Variants in BNIP2 observed in about 807,000 individuals in gnomAD.
BNIP2 encodes BCL2/adenovirus E1B 19 kDa protein-interacting protein 2.
Under a neutral mutation model 43.4 loss-of-function variants are expected in BNIP2, and 36 were observed. That is an observed-to-expected ratio of 0.83 (90% CI 0.64 to 1.10). The LOEUF (loss-of-function observed/expected upper bound fraction) is 1.10. BNIP2 is among the 50% of genes least tolerant of loss of function. BNIP2 has a pLI of 0.00. For missense variants in BNIP2, 417 were observed against 374.1 expected (o/e 1.11, Z -0.95); for synonymous variants, 146 against 121.0 (o/e 1.21, Z -1.35).
chr15:59,668,536 C>A (rs1892698485), intron 9 of BNIP2, among the ~76,000 whole-genome samples: 1 of 152,170 alleles, frequency 6.6e-6, no homozygotes, highest in African/African-American at 2.4e-5. Flanking sequence ...TATTGATGAT[C>A]AGTTTACTCA....
At position 59,689,300 on chromosome 15, in the gene BNIP2, A is replaced by G. The variant is rs1894233309; in HGVS notation, c.-223T>C. ...GCCGCAGCGGTACGGCGTCGGCGGC[A>G]GCAGCTGACCCGGACACAGTGAGAA... On this transcript the variant is annotated 5_prime_UTR_variant, in exon 1 of 10. Transcript: ENST00000607373. 4 of 1,546,562 alleles carry G rather than the reference A, an allele frequency of 2.6e-6. No individual in the cohort carries two copies. Among genetic ancestry groups the G allele is most frequent in the East Asian group, 2.5e-5 (1 of 40,814 alleles).
At chr15:59,686,846 A>G (rs1023151208) in intron 1 of BNIP2, among the ~76,000 whole-genome samples, 1 of 152,106 alleles carries the variant, frequency 6.6e-6, no homozygotes, top group Non-Finnish European at 1.5e-5. Flanking sequence ...GTGAAACCCC[A>G]TCTCTACCAA....
Position 59,661,667 on chromosome 15 carries a change from GTTAAA to G in BNIP2, c.*2397_*2401del, listed in dbSNP as rs756493835. The stretch of plus-strand genomic sequence containing the variant: ...GTGACAGAAGCATCAAATTAAGCCA[GTTAAA>G]TTAGATCCATGATCCCAACAGAAAG... On this transcript the variant is annotated 3_prime_UTR_variant, in exon 10 of 10. Coordinates refer to ENST00000607373, the MANE Select transcript of BNIP2 (RefSeq NM_004330.4). The G allele has an allele frequency of 3.3e-5, 5 of 152,156 alleles. No individual in the cohort carries two copies. Among genetic ancestry groups the G allele is most frequent in the Non-Finnish European group, 5.9e-5 (4 of 68,032 alleles). The allele number at this position is 152,156 out of a possible 1,614,324, so 9.4% of individuals were successfully genotyped here.
intron 8 of BNIP2, 37 bp downstream of exon 8, chr15:59,669,239 A>T (rs753883024): frequency 3.7e-5 from 52 of 1,404,430 alleles, no homozygotes; most frequent in African/African-American, 7.4e-5. Flanking sequence ...AATAAATAAA[A>T]AAAATAAAAT....
At chr15:59,671,949 G>A (rs751198730) in intron 6 of BNIP2, among the ~76,000 whole-genome samples, 4 of 152,134 alleles carry the variant, frequency 2.6e-5, no homozygotes, top group African/African-American at 4.8e-5. Context: ...GGTGACATGT[G>A]CCTGCAGTCC....
Position 59,669,203 on chromosome 15 carries a change from T to G in BNIP2, c.794+73A>C, listed in dbSNP as rs975681582. ...TAGCTCTGTATCCCATAAGTATGTA[T>G]AGTTATTATGTGTTAACTAAAAATA... is the stretch of plus-strand genomic sequence containing the variant. On this transcript the variant is annotated intron_variant, in intron 8 of 9. Coordinates refer to ENST00000607373, the MANE Select transcript of BNIP2 (RefSeq NM_004330.4). The G allele has an allele frequency of 3.2e-5, 37 of 1,159,468 alleles. 1 individual carries two copies. The highest frequency in any genetic ancestry group is 1.5e-5 in the Non-Finnish European group (12 of 826,990). 71.8% of individuals were successfully genotyped at this position (1,159,468 alleles called of 1,614,324 possible). A position where few individuals can be genotyped will look rare whatever the true frequency, so the allele number is the denominator to read the frequency against.
At chr15:59,665,640 CTTAT>C (rs1301820203) in intron 9 of BNIP2, among the ~76,000 whole-genome samples, 1 of 151,970 alleles carries the variant, frequency 6.6e-6, no homozygotes, top group East Asian at 1.9e-4. Context: ...CATCAAAAAG[CTTAT>C]TTATTTAGTG....
Position 59,689,128 on chromosome 15 carries a change from C to A in BNIP2, c.-58+7G>T. ...CACCGTGCCGAGTTCTCCCAGGCCG[C>A]ACTCACCCCGGAGGAAGCCTTGGCC... On this transcript the variant is annotated splice_region_variant and intron_variant, in intron 1 of 9. Transcript: ENST00000607373. 1 of 1,535,642 alleles carries A rather than the reference C, an allele frequency of 6.5e-7. No homozygotes were observed. Among genetic ancestry groups the A allele is most frequent in the African/African-American group, 1.4e-5 (1 of 73,054 alleles).
chr15:59,687,195 T>C (rs1555398054), intron 1 of BNIP2, among the ~76,000 whole-genome samples: 1 of 152,216 alleles, frequency 6.6e-6, no homozygotes, highest in Non-Finnish European at 1.5e-5. Flanking sequence ...TTTAAAAAGA[T>C]AATCTACTAA....
chr15:59,677,395 A>C, intron 5 of BNIP2: 1 of 1,514,790 alleles, frequency 6.6e-7, no homozygotes. Context: ...GGTTTTCCGT[A>C]CTCCAAACCA....
At chr15:59,678,211 T>C (rs1286501405) in intron 4 of BNIP2, 124 bp from the exon 5 acceptor site, 1 of 1,394,698 alleles carries the variant, frequency 7.2e-7, no homozygotes, top group East Asian at 2.7e-5. Context: ...CAATTTTCAA[T>C]CTCTCTTCCA....
At chr15:59,678,864 A>T in intron 4 of BNIP2, 1 of 1,302,560 alleles carries the variant, frequency 7.7e-7, no homozygotes, top group Non-Finnish European at 1.0e-6. Flanking sequence ...AGAAGAGACA[A>T]AACACATAGG....
At chr15:59,682,653 A>ATT (rs1247680187) in intron 1 of BNIP2, 139 bp from the exon 2 acceptor site, 1,070 of 440,646 alleles carry the variant, frequency 2.4e-3, no homozygotes, top group South Asian at 3.2e-3. Context: ...CAGGGTTGCA[A>ATT]TTTTTTTTTT....
intron 5 of BNIP2, chr15:59,676,891 C>G: frequency 6.2e-7 from 1 of 1,600,030 alleles, no homozygotes. Context: ...CCGCTGTCAC[C>G]TGCACGGTGT....
At chr15:59,680,398 T>C (rs1893593651) in intron 2 of BNIP2, 90 bp from the exon 3 acceptor site, 1 of 984,508 alleles carries the variant, frequency 1.0e-6, no homozygotes, top group Non-Finnish European at 1.5e-6. Flanking sequence ...CTTATAGAAA[T>C]AATTATTTGG....
At chr15:59,677,056 C>A in intron 5 of BNIP2, 1 of 1,611,192 alleles carries the variant, frequency 6.2e-7, no homozygotes, top group Non-Finnish European at 8.5e-7. Flanking sequence ...ATTCAGATGA[C>A]TTCATCTTAT....
intron 4 of BNIP2, chr15:59,678,755 T>C (rs987518494): frequency 3.9e-6 from 5 of 1,291,624 alleles, no homozygotes; most frequent in African/African-American, 3.1e-5. Flanking sequence ...TACCAAAAGA[T>C]GGGGGGAGGG....
Position 59,668,962 on chromosome 15 carries a change from C to A in BNIP2, c.823G>T (p.Val275Leu), listed in dbSNP as rs375444414. Residue 275 changes from valine to leucine, a missense_variant, in exon 9 of 10, where the codon GTG becomes TTG. Transcript: ENST00000607373. ...TCTGCTAGTTCTGCCAAATTAAACA[C>A]GTATCTAATTTTTTGGCTGAATTTC... Reference protein sequence around the residue: ...SSKFSQKIRYVFNLAELAELV... With the variant: ...SSKFSQKIRYLFNLAELAELV... 4 of 1,613,258 alleles carry A rather than the reference C, an allele frequency of 2.5e-6. No individual in the cohort carries two copies. Among genetic ancestry groups the A allele is most frequent in the South Asian group, 1.1e-5 (1 of 90,970 alleles).
intron 9 of BNIP2, among the ~76,000 whole-genome samples, chr15:59,668,537 A>G (rs1030655569): frequency 3.9e-5 from 6 of 152,250 alleles, no homozygotes; most frequent in Non-Finnish European, 8.8e-5. Flanking sequence ...ATTGATGATC[A>G]GTTTACTCAA....
Sources: gnomAD v4.1 joint callset for allele counts (sites outside exome capture counted in the v4.1 genomes callset) on GRCh38, gnomAD v4.1.1 for gene constraint, MANE v1.5 for transcripts, NCBI Gene and HGNC (gene_info 2026-07-23, HGNC 2026-07-21) for gene names.